Variants in EGLN1 observed in about 807,000 individuals in gnomAD.
EGLN1 encodes the protein egl nine homolog 1.
Under a neutral mutation model 38.3 loss-of-function variants are expected in EGLN1, and 17 were observed. The ratio of observed to expected loss-of-function variants is 0.44; its 90% CI spans 0.30 to 0.67. The LOEUF is 0.67. EGLN1 is among the 30% of genes least tolerant of loss of function. EGLN1 has a pLI of 0.08. For missense variants in EGLN1, 477 were observed against 603.3 expected (o/e 0.79, Z 2.19); for synonymous variants, 283 against 257.5 (o/e 1.10, Z -0.95).
intron 1 of EGLN1, among the ~76,000 whole-genome samples, chr1:231,420,495 T>G (rs927304381): frequency 2.0e-5 from 3 of 152,146 alleles, no homozygotes; most frequent in Non-Finnish European, 2.9e-5. Context: ...AAATGTACCT[T>G]TTTGCGGTCA....
At chr1:231,410,202 T>C (rs1310429273) in intron 1 of EGLN1, among the ~76,000 whole-genome samples, 1 of 152,034 alleles carries the variant, frequency 6.6e-6, no homozygotes, top group Non-Finnish European at 1.5e-5. Flanking sequence ...GGGATGTCAC[T>C]TCCATCATCA....
chr1:231,417,040 A>C (rs1689101904), intron 1 of EGLN1, among the ~76,000 whole-genome samples: 1 of 152,246 alleles, frequency 6.6e-6, no homozygotes, highest in Admixed American at 6.5e-5. Flanking sequence ...CAGTTCTACA[A>C]GCTGAAAGTC....
chr1:231,403,897 A>G (rs1470822565), intron 1 of EGLN1, among the ~76,000 whole-genome samples: 1 of 151,964 alleles, frequency 6.6e-6, no homozygotes, highest in African/African-American at 2.4e-5. Flanking sequence ...TGTATAATTC[A>G]AAGTGTTTAC....
chr1:231,404,115 T>A (rs189960526), intron 1 of EGLN1, among the ~76,000 whole-genome samples: 59 of 152,236 alleles, frequency 3.9e-4, no homozygotes, highest in African/African-American at 1.2e-3. Flanking sequence ...GTTTCAAGTT[T>A]TGACTGTTAA....
At chr1:231,412,072 T>C (rs971217707) in intron 1 of EGLN1, among the ~76,000 whole-genome samples, 1 of 148,324 alleles carries the variant, frequency 6.7e-6, no homozygotes, top group Non-Finnish European at 1.5e-5. Context: ...ATATTCTAAT[T>C]TTAATAGTAC....
rs778100040 is a variant in EGLN1 at position 231,421,786 on chromosome 1, G to C, written c.103C>G (p.Arg35Gly). ...GKMENLLRCS[R>G]CRSSFYCCKE... Reference sequence around the variant, plus strand: ...CAGCAGTAGAAGGAGCTGCGGCAGCGGCTGCAGCGCAGCAGGTTCTCCATC... The same window carrying C: ...CAGCAGTAGAAGGAGCTGCGGCAGCCGCTGCAGCGCAGCAGGTTCTCCATC... Residue 35 changes from arginine (R) to glycine (G), a missense_variant, in exon 1 of 5, where the codon CGC becomes GGC. By Grantham distance (125) the Arg-to-Gly change is moderately radical. This residue lies in a region of EGLN1 where 298 missense variants were observed against 288.9 expected (regional missense o/e 1.03). Transcript: ENST00000366641. The surrounding 1 kb of genome is among the most constrained non-coding windows in gnomAD (Gnocchi z 5.5). 7.1e-6 allele frequency: 11 copies of C among 1,558,368 alleles called. No homozygotes were observed. The highest frequency in any genetic ancestry group is 1.7e-6 in the Non-Finnish European group (2 of 1,162,282).
intron 3 of EGLN1, 45 bp from the exon 4 acceptor site, chr1:231,367,681 G>C (rs940851205): frequency 1.3e-6 from 2 of 1,565,066 alleles, no homozygotes; most frequent in African/African-American, 2.7e-5. Context: ...ACACTGCGGG[G>C]AAAAAGTGGT....
chr1:231,400,091 G>A (rs1454894730), intron 1 of EGLN1, among the ~76,000 whole-genome samples: 1 of 152,134 alleles, frequency 6.6e-6, no homozygotes, highest in South Asian at 2.1e-4. Context: ...TGGGGTATTA[G>A]AAGGCCTTTT....
At chr1:231,403,087 C>CAT (rs1488790017) in intron 1 of EGLN1, among the ~76,000 whole-genome samples, 3 of 152,062 alleles carry the variant, frequency 2.0e-5, no homozygotes, top group African/African-American at 7.2e-5. Context: ...AATTTAATTT[C>CAT]ATAGTGGTTA....
At chr1:231,419,033 T>A (rs909305311) in intron 1 of EGLN1, among the ~76,000 whole-genome samples, 1 of 152,134 alleles carries the variant, frequency 6.6e-6, no homozygotes, top group Non-Finnish European at 1.5e-5. Context: ...TCAAACACGA[T>A]TACCAAAACC....
At chr1:231,391,088 T>TG (rs1558387104) in intron 1 of EGLN1, among the ~76,000 whole-genome samples, 404 of 34,714 alleles carry the variant, frequency 0.012, 43 homozygotes, top group African/African-American at 0.026. Context: ...ATTCTGTTTT[T>TG]TTTTTGTGTG....
chr1:231,370,822 G>A (rs1302418054), intron 2 of EGLN1, 124 bp from the exon 3 acceptor site: 1 of 1,093,522 alleles, frequency 9.1e-7, no homozygotes, highest in African/African-American at 1.6e-5. Flanking sequence ...TCTCAATAAA[G>A]TATGAAGATG....
chr1:231,422,066 A>C lies in EGLN1; in HGVS notation c.-178T>G. ...CACGCCCTCGGCCCGGCCGCTTCCG[A>C]GTCCTAAGCTCCGGCGCAGCGCCGG... On this transcript the variant is annotated 5_prime_UTR_variant, in exon 1 of 5. Coordinates refer to ENST00000366641, the MANE Select transcript of EGLN1 (RefSeq NM_022051.3). The C allele has an allele frequency of 3.5e-6, 2 of 565,704 alleles. No homozygotes were observed. Among genetic ancestry groups the C allele is most frequent in the Non-Finnish European group, 5.4e-6 (2 of 372,776 alleles). The allele number at this position is 565,704 out of a possible 1,614,324, so 35.0% of individuals were successfully genotyped here.
chr1:231,397,429 G>A (rs1023060220), intron 1 of EGLN1, among the ~76,000 whole-genome samples: 1 of 152,172 alleles, frequency 6.6e-6, no homozygotes, highest in Non-Finnish European at 1.5e-5. Context: ...ACTAGACCAG[G>A]GATTGACAAA....
In EGLN1 at chr1:231,421,909, C is replaced by G; in HGVS notation, c.-21G>C. The G allele has an allele frequency of 7.2e-7, 1 of 1,384,684 alleles. No homozygotes were observed. Among genetic ancestry groups the G allele is most frequent in the South Asian group, 1.6e-5 (1 of 60,786 alleles). 85.8% of individuals were successfully genotyped at this position (1,384,684 alleles called of 1,614,324 possible). ...GCCATGGCGGCGGCGGCGGCGGCGA[C>G]GGCGACTGCGGCGGCCGAGCAGGAG... On this transcript the variant is annotated 5_prime_UTR_variant, in exon 1 of 5. Coordinates refer to ENST00000366641, the MANE Select transcript of EGLN1 (RefSeq NM_022051.3). The surrounding 1 kb of genome is among the most constrained non-coding windows in gnomAD (Gnocchi z 5.5).
intron 1 of EGLN1, among the ~76,000 whole-genome samples, chr1:231,387,795 A>G (rs538905096): frequency 2.6e-5 from 4 of 152,344 alleles, no homozygotes; most frequent in African/African-American, 9.6e-5. Flanking sequence ...TGTCAGGCAT[A>G]CTGTCAGTAA....
chr1:231,405,055 G>T (rs920846997), intron 1 of EGLN1, among the ~76,000 whole-genome samples: 3 of 152,178 alleles, frequency 2.0e-5, no homozygotes, highest in African/African-American at 7.2e-5. Flanking sequence ...ATCTAAAATT[G>T]AATCTGAACT....
chr1:231,418,916 CCT>C, intron 1 of EGLN1, among the ~76,000 whole-genome samples: 1 of 151,896 alleles, frequency 6.6e-6, no homozygotes, highest in South Asian at 2.1e-4. Flanking sequence ...TAATATGATG[CCT>C]AACACACTGT....
intron 1 of EGLN1, among the ~76,000 whole-genome samples, chr1:231,387,882 C>T (rs1273815635): frequency 5.5e-4 from 83 of 152,288 alleles, no homozygotes; most frequent in Non-Finnish European, 8.8e-5. Context: ...ACTCTTCTGC[C>T]TCTCACCTAT....
Sources: allele counts gnomAD v4.1 joint callset (sites outside exome capture counted in the v4.1 genomes callset), GRCh38; gene constraint gnomAD v4.1.1; regional missense constraint gnomAD v4.1.1; non-coding constraint Gnocchi (gnomAD v3.1); transcripts MANE v1.5; gene names NCBI Gene and HGNC (gene_info 2026-07-23, HGNC 2026-07-21).